Variants in PNPLA8 observed in about 807,000 individuals in gnomAD.
PNPLA8 encodes calcium-independent phospholipase A2-gamma.
PNPLA8 carries 39 observed loss-of-function variants against 76.9 expected under a neutral mutation model. The observed-to-expected ratio is 0.51, with a 90% confidence interval of 0.39 to 0.66. The LOEUF is 0.66. PNPLA8 is among the 30% of genes least tolerant of loss of function. The pLI is 0.00. For missense variants in PNPLA8, 887 were observed against 918.0 expected, an observed-to-expected ratio of 0.97 and a Z score of 0.44; for synonymous variants, 301 against 307.9, an observed-to-expected ratio of 0.98 and a Z score of 0.24.
chr7:108,512,499 A>AT (rs200707877), intron 4 of PNPLA8, among the ~76,000 whole-genome samples: 331 of 151,062 alleles, frequency 2.2e-3, no homozygotes, highest in African/African-American at 7.0e-3. Context: ...TAAGTAACTC[A>AT]TTTTTTTTTA....
At chr7:108,522,385 C>T (rs1863807819) in intron 1 of PNPLA8, among the ~76,000 whole-genome samples, 1 of 151,958 alleles carries the variant, frequency 6.6e-6, no homozygotes, top group South Asian at 2.1e-4. Context: ...CATCATAAAA[C>T]CTTGGTTTCC....
In PNPLA8 at chr7:108,472,455, C is replaced by G. The variant is rs1439583761; in HGVS notation, c.2295G>C (p.Trp765Cys). 3 of 1,596,628 alleles carry G rather than the reference C, an allele frequency of 1.9e-6. No individual in the cohort carries two copies. In the South Asian group the frequency reaches 3.4e-5, roughly 18 times the overall value. Residue 765 changes from tryptophan (W) to cysteine (C), a missense_variant, in exon 11 of 11, where the codon TGG (tryptophan) becomes TGC (cysteine). Coordinates refer to ENST00000257694, the MANE Select transcript of PNPLA8 (RefSeq NM_001256007.3). Reference protein sequence around the residue: ...EKTTLQKINDWIKLKTDMYEG... With the variant: ...EKTTLQKINDCIKLKTDMYEG... ...CATACATATCAGTTTTTAATTTTAT[C>G]CAATCATTAATTTTCTGCAGAGTTG...
At chr7:108,512,649 T>C (rs1054616332) in intron 4 of PNPLA8, among the ~76,000 whole-genome samples, 1 of 152,134 alleles carries the variant, frequency 6.6e-6, no homozygotes, top group Admixed American at 6.6e-5. Context: ...TAACAAAAAG[T>C]TTAGCTGGAA....
chr7:108,482,685 A>C (rs888036550), intron 9 of PNPLA8, among the ~76,000 whole-genome samples: 4 of 152,010 alleles, frequency 2.6e-5, no homozygotes, highest in Admixed American at 6.5e-5. Context: ...GTCTTCTTTT[A>C]TTTCTTTCAT....
chr7:108,526,754 GTA>G (rs1864112214), upstream of PNPLA8, among the ~76,000 whole-genome samples: 1 of 152,180 alleles, frequency 6.6e-6, no homozygotes, highest in South Asian at 2.1e-4. Flanking sequence ...GGTCCCACAC[GTA>G]ACACATCTTT....
intron 7 of PNPLA8, among the ~76,000 whole-genome samples, chr7:108,493,568 C>CATTTTTTTTTT (rs1554681577): frequency 3.2e-4 from 26 of 81,212 alleles, no homozygotes; most frequent in African/African-American, 1.2e-3. Context: ...CCATGCCTGG[C>CATTTTTTTTTT]TTTTTTTTTT....
chr7:108,493,567 G>GATTTTTTTTTTTTTT (rs1563951361), intron 7 of PNPLA8, among the ~76,000 whole-genome samples: 1 of 105,656 alleles, frequency 9.5e-6, no homozygotes, highest in African/African-American at 3.6e-5. Context: ...CCCATGCCTG[G>GATTTTTTTTTTTTTT]CTTTTTTTTT....
chr7:108,481,473 C>G (rs1860390968), intron 9 of PNPLA8, among the ~76,000 whole-genome samples: 1 of 152,196 alleles, frequency 6.6e-6, no homozygotes, highest in Non-Finnish European at 1.5e-5. Context: ...TGCTGGATGT[C>G]TTTTCACACC....
chr7:108,514,082 T>C, intron 4 of PNPLA8, 62 bp downstream of exon 4: 1 of 1,177,466 alleles, frequency 8.5e-7, no homozygotes, highest in Non-Finnish European at 1.2e-6. Flanking sequence ...CCTTCTCCAT[T>C]TTAGATTTTT....
Position 108,514,809 on chromosome 7 carries a change from T to A in PNPLA8, c.683A>T (p.Glu228Val). ...AAGTTCTGATTTGTCCCGGAAATGTTCATTTTCCTTTTGTTGAGACATTTT... is the reference window on the plus strand; with the variant it reads ...AAGTTCTGATTTGTCCCGGAAATGTACATTTTCCTTTTGTTGAGACATTTT... ...KEKMSQQKEN[E>V]HFRDKSELED... is the part of the protein sequence containing the mutation. Residue 228 changes from glutamate (E) to valine (V), a missense_variant, in exon 3 of 11, where the codon GAA becomes GTA. Transcript: ENST00000257694. 1 of 1,613,288 alleles carries A rather than the reference T, an allele frequency of 6.2e-7. No individual in the cohort carries two copies. The highest frequency in any genetic ancestry group is 8.5e-7 in the Non-Finnish European group (1 of 1,179,304).
At position 108,491,461 on chromosome 7, in the gene PNPLA8, C is replaced by T; in HGVS notation, c.1632G>A (p.Arg544=). ...SQTWENILKD[R]MGSALMIETA... ...TTTCAATCATCAGTGCAGATCCCAT[C>T]CTATCCCTTTATTAAAGGAGAAAAA... The change falls in exon 8 of 11, where the codon AGG becomes AGA. Residue 544 remains arginine (R), a synonymous_variant. Transcript: ENST00000257694. 1 of 1,597,168 alleles carries T rather than the reference C, an allele frequency of 6.3e-7. No individual in the cohort carries two copies. Among genetic ancestry groups the T allele is most frequent in the Non-Finnish European group, 8.6e-7 (1 of 1,164,786 alleles).
At chr7:108,515,616 T>G in intron 2 of PNPLA8, 42 bp from the exon 3 acceptor site, 1 of 1,171,402 alleles carries the variant, frequency 8.5e-7, no homozygotes, top group Non-Finnish European at 1.1e-6. Flanking sequence ...AGTTAAAAAT[T>G]GAAATTGGGT....
intron 2 of PNPLA8, among the ~76,000 whole-genome samples, chr7:108,516,445 T>A (rs1863349831): frequency 6.6e-6 from 1 of 152,166 alleles, no homozygotes; most frequent in Admixed American, 6.5e-5. Flanking sequence ...TCAAAAAAAT[T>A]AACTCAAAAC....
At chr7:108,503,717 G>A (rs1862128608) in intron 4 of PNPLA8, among the ~76,000 whole-genome samples, 1 of 152,182 alleles carries the variant, frequency 6.6e-6, no homozygotes, top group African/African-American at 2.4e-5. Flanking sequence ...AAGTGAGCTG[G>A]TAAACTATAG....
At chr7:108,476,035 T>C (rs1332697831) in intron 10 of PNPLA8, among the ~76,000 whole-genome samples, 1 of 152,186 alleles carries the variant, frequency 6.6e-6, no homozygotes. Context: ...CCAATCAAGT[T>C]TTCTCATTCC....
At position 108,499,833 on chromosome 7, in the gene PNPLA8, A is replaced by T. The variant is rs369339653; in HGVS notation, c.1359-2256T>A. 3.3e-5 allele frequency among the ~76,000 whole-genome samples: 5 copies of T among 152,300 alleles called. No individual in the cohort carries two copies. The East Asian group carries it at 5.8e-4, about 18-fold the overall frequency. ...ATACAACTCTTATTCTACAAGATAA[A>T]CTATTTATTGGATACAAACTTCTTT... On this transcript the variant is annotated intron_variant, in intron 5 of 10. Coordinates refer to ENST00000257694, the MANE Select transcript of PNPLA8 (RefSeq NM_001256007.3).
chr7:108,490,709 G>A (rs13225144), intron 8 of PNPLA8, among the ~76,000 whole-genome samples: 7 of 151,778 alleles, frequency 4.6e-5, no homozygotes, highest in Admixed American at 2.0e-4. Context: ...GCGTGAGCCC[G>A]GGAGGCGGAG....
At chr7:108,511,084 A>T in intron 4 of PNPLA8, 1 of 672,022 alleles carries the variant, frequency 1.5e-6, no homozygotes, top group Non-Finnish European at 2.5e-6. Context: ...AAATACAAAT[A>T]AATTAAGCAT....
chr7:108,488,184 A>G (rs1860885782), intron 8 of PNPLA8, among the ~76,000 whole-genome samples: 1 of 152,240 alleles, frequency 6.6e-6, no homozygotes, highest in Admixed American at 6.5e-5. Flanking sequence ...ATAATAAAAG[A>G]GATTTATTTG....
Sources: gnomAD v4.1 joint callset for allele counts (sites outside exome capture counted in the v4.1 genomes callset) on GRCh38, gnomAD v4.1.1 for gene constraint, MANE v1.5 for transcripts, NCBI Gene and HGNC (gene_info 2026-07-23, HGNC 2026-07-21) for gene names.